ATP9B: variants seen among roughly 807,000 people sequenced by gnomAD.
ATP9B encodes probable phospholipid-transporting ATPase IIB.
Under a neutral mutation model 146.1 loss-of-function variants are expected in ATP9B, and 110 were observed. The ratio of observed to expected loss-of-function variants is 0.75; its 90% CI spans 0.65 to 0.88. The LOEUF is 0.88. Ranked by LOEUF, ATP9B falls within the 40% of genes least tolerant of loss-of-function variation. The pLI is 0.00. For missense variants in ATP9B, 1,499 were observed against 1,496.4 expected, an observed-to-expected ratio of 1.00 and a Z score of -0.03; for synonymous variants, 604 against 569.7, an observed-to-expected ratio of 1.06 and a Z score of -0.86.
chr18:79,177,697 C>CACCT (rs5826624), intron 8 of ATP9B, among the ~76,000 whole-genome samples: 87,375 of 151,608 alleles, frequency 0.58, 26,742 homozygotes, highest in African/African-American at 0.8. Context: ...TTTTAATTTT[C>CACCT]ACTTAGGCAC....
At chr18:79,318,140 A>G (rs1035297825) in intron 15 of ATP9B, among the ~76,000 whole-genome samples, 1 of 152,276 alleles carries the variant, frequency 6.6e-6, no homozygotes, top group East Asian at 1.9e-4. Context: ...ATTCCTGTGC[A>G]AAAGGATCAT....
In ATP9B at chr18:79,148,984, TC is replaced by T. The variant is rs377545739; in HGVS notation, c.726+5125del. Among the ~76,000 whole-genome samples the T allele has an allele frequency of 3.7e-3, 569 of 152,266 alleles. 3 individuals carry two copies. The highest frequency in any genetic ancestry group is 0.024 in the South Asian group (117 of 4,830). ...TACAGTCATTGCTATGAAAATGAAA[TC>T]TATGCTGAAACTTACAATGTGTTGA... On this transcript the variant is annotated intron_variant, in intron 6 of 29. Coordinates refer to ENST00000426216, the MANE Select transcript of ATP9B (RefSeq NM_198531.5).
chr18:79,136,735 GTTCTCACGCTGCTA>G (rs1259145415), intron 5 of ATP9B, among the ~76,000 whole-genome samples: 1 of 152,070 alleles, frequency 6.6e-6, no homozygotes, highest in Non-Finnish European at 1.5e-5. Flanking sequence ...GTGTTAGTCT[GTTCTCACGCTGCTA>G]ATAAAGACAT....
At chr18:79,235,332 G>A (rs2095831283) in intron 11 of ATP9B, among the ~76,000 whole-genome samples, 1 of 152,006 alleles carries the variant, frequency 6.6e-6, no homozygotes, top group Non-Finnish European at 1.5e-5. Flanking sequence ...ACTTTCTATC[G>A]TAAGCCATAG....
chr18:79,307,085 C>T lies in ATP9B; in HGVS notation c.1624C>T (p.His542Tyr), dbSNP rs1233499206. 6.2e-7 allele frequency: 1 copy of T among 1,614,218 alleles called. No homozygotes were observed. Among genetic ancestry groups the T allele is most frequent in the Admixed American group, 1.7e-5 (1 of 60,022 alleles). ...TAGGAAAAGTGTCAGTAGTCGAATCCATGAAGCCGTGAAAGCCATCGTGCT... is the reference window on the plus strand; with the variant it reads ...TAGGAAAAGTGTCAGTAGTCGAATCTATGAAGCCGTGAAAGCCATCGTGCT... ...KVRKSVSSRI[H>Y]EAVKAIVLCH... is the part of the protein sequence containing the mutation. Residue 542 changes from histidine (H) to tyrosine (Y), a missense_variant, in exon 15 of 30, where the codon CAT becomes TAT. Coordinates refer to ENST00000426216, the MANE Select transcript of ATP9B (RefSeq NM_198531.5).
intron 13 of ATP9B, among the ~76,000 whole-genome samples, chr18:79,288,464 T>C (rs2096466763): frequency 6.6e-6 from 1 of 152,178 alleles, no homozygotes; most frequent in African/African-American, 2.4e-5. Flanking sequence ...TTCCATTTGC[T>C]TGGTAGATCT....
chr18:79,332,285 C>T (rs201690993), intron 17 of ATP9B, among the ~76,000 whole-genome samples: 2 of 151,994 alleles, frequency 1.3e-5, no homozygotes, highest in East Asian at 1.9e-4. Flanking sequence ...AAAAATTAGC[C>T]GGGTGTGGTG....
At chr18:79,114,503 G>T (rs2094030857) in intron 4 of ATP9B, among the ~76,000 whole-genome samples, 1 of 152,130 alleles carries the variant, frequency 6.6e-6, no homozygotes, top group South Asian at 2.1e-4. Context: ...CTGGAAGGTG[G>T]ACTAAATTCT....
intron 7 of ATP9B, among the ~76,000 whole-genome samples, chr18:79,155,038 TGTTA>T (rs2094753157): frequency 2.6e-5 from 4 of 152,260 alleles, no homozygotes; most frequent in Non-Finnish European, 5.9e-5. Context: ...TAAATGATGA[TGTTA>T]CTTAAAATTT....
At chr18:79,206,912 GT>G (rs750750322) in intron 9 of ATP9B, 24 bp from the exon 10 acceptor site, 1 of 1,607,916 alleles carries the variant, frequency 6.2e-7, no homozygotes, top group Non-Finnish European at 8.5e-7. Flanking sequence ...TGACGGTTTT[GT>G]TTTCTTTTTG....
At chr18:79,072,933 G>A (rs1027871503) in intron 1 of ATP9B, among the ~76,000 whole-genome samples, 11 of 151,838 alleles carry the variant, frequency 7.2e-5, no homozygotes, top group Admixed American at 3.9e-4. Context: ...GGGCAGAGGC[G>A]CTCGTCACAT....
chr18:79,246,977 T>A (rs1030311725), intron 11 of ATP9B, among the ~76,000 whole-genome samples: 1 of 152,244 alleles, frequency 6.6e-6, no homozygotes. Context: ...TAACGTAATT[T>A]CTATACGTAG....
At chr18:79,235,173 G>A (rs2095829731) in intron 11 of ATP9B, among the ~76,000 whole-genome samples, 2 of 152,246 alleles carry the variant, frequency 1.3e-5, no homozygotes, top group South Asian at 2.1e-4. Context: ...CACTGTGCCT[G>A]GCCTTATTGT....
intron 20 of ATP9B, chr18:79,343,913 A>C: frequency 2.9e-6 from 1 of 348,034 alleles, no homozygotes; most frequent in East Asian, 8.2e-5. Flanking sequence ...GAGTGTATGT[A>C]TAAAAGGCAA....
intron 2 of ATP9B, among the ~76,000 whole-genome samples, chr18:79,108,756 G>T (rs2075817658): frequency 6.6e-6 from 1 of 152,206 alleles, no homozygotes; most frequent in South Asian, 2.1e-4. Context: ...TGACCTTTCA[G>T]TGTGAGGATC....
chr18:79,214,782 A>G (rs958859082), intron 11 of ATP9B, among the ~76,000 whole-genome samples: 7 of 152,230 alleles, frequency 4.6e-5, no homozygotes, highest in African/African-American at 1.4e-4. Flanking sequence ...TCTGTGGGTA[A>G]TTAATAGTGA....
At chr18:79,334,625 G>A (rs2096811148) in intron 17 of ATP9B, among the ~76,000 whole-genome samples, 1 of 151,976 alleles carries the variant, frequency 6.6e-6, no homozygotes, top group South Asian at 2.1e-4. Flanking sequence ...CCCTGGGGCT[G>A]TCCGGGAGCC....
intron 11 of ATP9B, among the ~76,000 whole-genome samples, chr18:79,237,689 TGGGGGGGG>T (rs72074123): frequency 7.0e-6 from 1 of 142,774 alleles, no homozygotes; most frequent in Non-Finnish European, 1.5e-5. Flanking sequence ...TTTTTTTTTT[TGGGGGGGG>T]GTGGGGGAAG....
intron 10 of ATP9B, among the ~76,000 whole-genome samples, chr18:79,208,244 C>CA (rs1296697825): frequency 1.3e-5 from 2 of 151,862 alleles, no homozygotes; most frequent in African/African-American, 4.8e-5. Context: ...GATGCCATCT[C>CA]AAAAAAAGAA....
Sources: gnomAD v4.1 joint callset for allele counts (sites outside exome capture counted in the v4.1 genomes callset) on GRCh38, gnomAD v4.1.1 for gene constraint, MANE v1.5 for transcripts, NCBI Gene and HGNC (gene_info 2026-07-23, HGNC 2026-07-21) for gene names.